Variants in CD96 observed in about 807,000 individuals in gnomAD.
The protein encoded by CD96 is CD96 molecule.
Under a neutral mutation model 71.3 loss-of-function variants are expected in CD96, and 70 were observed. The observed-to-expected ratio is 0.98, with a 90% CI of 0.81 to 1.20. CD96 has a LOEUF of 1.20. Among genes scored for constraint, CD96 ranks in the 50% most tolerant of loss-of-function variants. The probability of loss-of-function intolerance (pLI) is 0.00; values close to 1 mark genes in which losing one functional copy is unlikely to be tolerated. For synonymous variants in CD96, 248 were observed against 233.0 expected, an observed-to-expected ratio of 1.06 and a Z score of -0.59; for missense variants, 742 against 677.5, an observed-to-expected ratio of 1.10 and a Z score of -1.06.
intron 2 of CD96, among the ~76,000 whole-genome samples, chr3:111,558,619 T>C (rs1935205497): frequency 1.5e-5 from 2 of 130,954 alleles, no homozygotes; most frequent in Admixed American, 7.9e-5. Flanking sequence ...CAGTATTTTA[T>C]TGGGGATTTT....
intron 5 of CD96, chr3:111,593,919 T>C: frequency 1.2e-6 from 2 of 1,613,782 alleles, no homozygotes; most frequent in South Asian, 2.2e-5. Flanking sequence ...AGTGCAGTGG[T>C]GCCCACGTTG....
chr3:111,616,812 C>T (rs1576395313), intron 8 of CD96, among the ~76,000 whole-genome samples: 1 of 152,162 alleles, frequency 6.6e-6, no homozygotes, highest in Non-Finnish European at 1.5e-5. Flanking sequence ...CTGCCCCCTA[C>T]TGACTTGGCA....
chr3:111,660,248 A>C (rs1248775018), intron 14 of CD96, among the ~76,000 whole-genome samples: 1 of 152,208 alleles, frequency 6.6e-6, no homozygotes, highest in African/African-American at 2.4e-5. Context: ...GAAATCAAGA[A>C]CACAAACCCA....
intron 5 of CD96, among the ~76,000 whole-genome samples, chr3:111,596,755 G>A (rs1407821684): frequency 1.3e-5 from 2 of 152,132 alleles, no homozygotes; most frequent in African/African-American, 4.8e-5. Context: ...TAATAAGAAT[G>A]TATTTTAGAG....
chr3:111,575,216 A>T (rs1936170086), intron 3 of CD96, among the ~76,000 whole-genome samples: 1 of 152,208 alleles, frequency 6.6e-6, no homozygotes, highest in African/African-American at 2.4e-5. Flanking sequence ...CAAGACCTGG[A>T]TCTCCACTAC....
intron 14 of CD96, among the ~76,000 whole-genome samples, chr3:111,665,119 CAAAGT>C (rs1179547721): frequency 1.5e-4 from 23 of 151,820 alleles, no homozygotes; most frequent in South Asian, 6.3e-4. Flanking sequence ...AAGCAAATGA[CAAAGT>C]AAAGGGGGTA....
At chr3:111,657,786 A>ATG (rs147351969) in intron 14 of CD96, among the ~76,000 whole-genome samples, 4,287 of 151,536 alleles carry the variant, frequency 0.028, 156 homozygotes, top group African/African-American at 0.086. Flanking sequence ...GTGTGTGTAT[A>ATG]TGTGTGTGTG....
At chr3:111,657,812 G>A (rs760388388) in intron 14 of CD96, among the ~76,000 whole-genome samples, 5 of 152,070 alleles carry the variant, frequency 3.3e-5, no homozygotes, top group African/African-American at 4.8e-5. Flanking sequence ...ATGTGTATGC[G>A]CATGAAGGTT....
chr3:111,658,750 A>G (rs1940289606), intron 14 of CD96, among the ~76,000 whole-genome samples: 1 of 152,216 alleles, frequency 6.6e-6, no homozygotes, highest in Admixed American at 6.5e-5. Flanking sequence ...GGCAGAGAAT[A>G]ACCAAACTAA....
chr3:111,573,613 A>T (rs1186764867), intron 3 of CD96, among the ~76,000 whole-genome samples: 1 of 152,192 alleles, frequency 6.6e-6, no homozygotes, highest in Non-Finnish European at 1.5e-5. Flanking sequence ...AAAATAAAGA[A>T]ATTCACGATT....
intron 10 of CD96, 98 bp downstream of exon 10, chr3:111,624,502 T>C: frequency 1.3e-6 from 1 of 787,386 alleles, no homozygotes; most frequent in Non-Finnish European, 2.3e-6. Flanking sequence ...TGTAATAATA[T>C]TTGCAAATGT....
chr3:111,623,520 A>G (rs1219213205), intron 8 of CD96, among the ~76,000 whole-genome samples: 1 of 152,220 alleles, frequency 6.6e-6, no homozygotes, highest in South Asian at 2.1e-4. Context: ...AAGTATGAAT[A>G]TAATACATTT....
At chr3:111,577,713 A>G (rs553543940) in intron 3 of CD96, among the ~76,000 whole-genome samples, 1 of 152,168 alleles carries the variant, frequency 6.6e-6, no homozygotes, top group African/African-American at 2.4e-5. Flanking sequence ...GGAATTTTCT[A>G]TTTAAACTAT....
chr3:111,588,877 C>A (rs1428618050), intron 5 of CD96, among the ~76,000 whole-genome samples: 1 of 151,584 alleles, frequency 6.6e-6, no homozygotes, highest in Non-Finnish European at 1.5e-5. Context: ...TATTAGTGAA[C>A]TTCATTTCAA....
intron 14 of CD96, among the ~76,000 whole-genome samples, chr3:111,657,451 C>A (rs1490700167): frequency 6.9e-6 from 1 of 145,944 alleles, no homozygotes; most frequent in Non-Finnish European, 1.5e-5. Flanking sequence ...GCTAGGAACA[C>A]AAAATTTGAC....
chr3:111,577,607 A>T, intron 3 of CD96: 6 of 1,044,234 alleles, frequency 5.7e-6, no homozygotes, highest in Non-Finnish European at 9.1e-6. Flanking sequence ...TGCAGGCAAT[A>T]ACACAATACT....
chr3:111,588,226 G>T (rs912117411), intron 5 of CD96, among the ~76,000 whole-genome samples: 3 of 152,124 alleles, frequency 2.0e-5, no homozygotes, highest in African/African-American at 7.2e-5. Context: ...AATTTTTTCT[G>T]CCAGATATCC....
At chr3:111,653,415 TA>T (rs1417595850), downstream of CD96, among the ~76,000 whole-genome samples, 3 of 152,266 alleles carry the variant, frequency 2.0e-5, no homozygotes, top group East Asian at 5.8e-4. Flanking sequence ...CGTAAGTGCC[TA>T]ATGCGTGCTT....
chr3:111,620,499 A>G (rs1938466930), intron 8 of CD96, among the ~76,000 whole-genome samples: 1 of 152,204 alleles, frequency 6.6e-6, no homozygotes, highest in South Asian at 2.1e-4. Context: ...AGTTCTCTAA[A>G]AGACTTTAAC....
Sources: allele counts gnomAD v4.1 joint callset (sites outside exome capture counted in the v4.1 genomes callset), GRCh38; gene constraint gnomAD v4.1.1; transcripts MANE v1.5; gene names NCBI Gene and HGNC (gene_info 2026-07-23, HGNC 2026-07-21).